GSG1L: variants seen among roughly 807,000 people sequenced by gnomAD.
GSG1L encodes germ cell-specific gene 1-like protein.
GSG1L carries 24 observed loss-of-function variants against 42.1 expected under a neutral mutation model. That is an observed-to-expected ratio of 0.57 (90% confidence interval 0.41 to 0.80). The LOEUF (loss-of-function observed/expected upper bound fraction) is 0.80. GSG1L is among the 30% of genes least tolerant of loss of function. The pLI, the probability that GSG1L is intolerant of heterozygous loss-of-function variation, is 0.00. For synonymous variants in GSG1L, 215 were observed against 203.5 expected, an observed-to-expected ratio of 1.06 and a Z score of -0.48; for missense variants, 445 against 472.2, an observed-to-expected ratio of 0.94 and a Z score of 0.53.
At chr16:27,948,685 T>C (rs2084915705) in intron 2 of GSG1L, among the ~76,000 whole-genome samples, 1 of 150,244 alleles carries the variant, frequency 6.7e-6, no homozygotes, top group Non-Finnish European at 1.5e-5. Flanking sequence ...TCTTGGCTCA[T>C]TGCAAGCTTC....
chr16:28,003,594 C>T (rs1290859041), intron 1 of GSG1L, among the ~76,000 whole-genome samples: 1 of 152,176 alleles, frequency 6.6e-6, no homozygotes, highest in Non-Finnish European at 1.5e-5. Flanking sequence ...TGCAGGAAAA[C>T]GTGGTTGCCA....
rs145064176 is a variant in GSG1L at position 27,995,125 on chromosome 16, C to T, written c.350-31922G>A. On this transcript the variant is annotated intron_variant, in intron 1 of 6. Transcript: ENST00000447459. ...GCAGCACTGGGTCTCAACCCAACCT[C>T]GAGAAGAATGGGAGAAACAGTCCCA... Among the ~76,000 whole-genome samples the T allele has an allele frequency of 9.9e-4, 150 of 152,272 alleles. 1 individual carries two copies. Among genetic ancestry groups the T allele is most frequent in the African/African-American group, 3.4e-3 (140 of 41,556 alleles).
At chr16:28,047,426 T>C (rs1361672159) in intron 1 of GSG1L, among the ~76,000 whole-genome samples, 1 of 151,996 alleles carries the variant, frequency 6.6e-6, no homozygotes, top group Non-Finnish European at 1.5e-5. Flanking sequence ...ATTGGGAACA[T>C]TCAACAAAAA....
chr16:27,977,381 GACC>G (rs921664759), intron 1 of GSG1L, among the ~76,000 whole-genome samples: 1 of 152,028 alleles, frequency 6.6e-6, no homozygotes, highest in Non-Finnish European at 1.5e-5. Flanking sequence ...AGGAGTTTGA[GACC>G]AACATGGTCA....
Position 27,791,315 on chromosome 16 carries a change from G to C in GSG1L, c.*55C>G. 8.6e-7 allele frequency: 1 copy of C among 1,169,510 alleles called. No individual in the cohort carries two copies. The allele number at this position is 1,169,510 out of a possible 1,614,324, so 72.4% of individuals were successfully genotyped here. ...GGGGCACCACTCTGGTGGTCTTGCA[G>C]CAGGGGCTGGTGCCAGCGATGGCCT... is the stretch of plus-strand genomic sequence containing the variant. On this transcript the variant is annotated 3_prime_UTR_variant, in exon 7 of 7. Coordinates refer to ENST00000447459, the MANE Select transcript of GSG1L (RefSeq NM_001109763.2).
intron 1 of GSG1L, among the ~76,000 whole-genome samples, chr16:28,056,487 G>A (rs1296398911): frequency 8.7e-5 from 8 of 92,416 alleles, no homozygotes; most frequent in Non-Finnish European, 5.9e-5. Flanking sequence ...GGGGAGGGGG[G>A]AGGGATAGCA....
chr16:27,799,651 G>C (rs1032611144), intron 6 of GSG1L, among the ~76,000 whole-genome samples: 1 of 152,150 alleles, frequency 6.6e-6, no homozygotes, highest in Non-Finnish European at 1.5e-5. Context: ...AGGGGAAGGC[G>C]AGAGAAGGCC....
chr16:28,019,073 T>C (rs552270759), intron 1 of GSG1L, among the ~76,000 whole-genome samples: 62 of 152,226 alleles, frequency 4.1e-4, no homozygotes, highest in African/African-American at 1.3e-3. Context: ...TCAGAGGCGT[T>C]TGAACCACAG....
intron 1 of GSG1L, among the ~76,000 whole-genome samples, chr16:28,037,272 C>T (rs747763588): frequency 3.3e-5 from 5 of 152,200 alleles, no homozygotes; most frequent in African/African-American, 7.2e-5. Flanking sequence ...GTGATCCACC[C>T]GCCTCGGCCC....
intron 1 of GSG1L, among the ~76,000 whole-genome samples, chr16:28,002,727 A>G (rs887643568): frequency 5.9e-5 from 9 of 151,928 alleles, no homozygotes; most frequent in Admixed American, 5.9e-4. Context: ...TCAGGAGATC[A>G]AGACCATCCT....
chr16:27,889,102 G>A (rs1018282459), intron 2 of GSG1L, among the ~76,000 whole-genome samples: 1 of 151,948 alleles, frequency 6.6e-6, no homozygotes, highest in Non-Finnish European at 1.5e-5. Context: ...TCCTGCCTCA[G>A]CCTCCGTAGT....
chr16:27,937,844 G>A (rs1368232553), intron 2 of GSG1L, among the ~76,000 whole-genome samples: 1 of 152,056 alleles, frequency 6.6e-6, no homozygotes, highest in Non-Finnish European at 1.5e-5. Flanking sequence ...CATGAGATGG[G>A]GACTCCCTCT....
intron 2 of GSG1L, among the ~76,000 whole-genome samples, chr16:27,943,519 G>T (rs1268628725): frequency 6.8e-6 from 1 of 148,132 alleles, no homozygotes; most frequent in East Asian, 2.0e-4. Flanking sequence ...TATATACTTG[G>T]TAAAACCACA....
chr16:27,953,568 G>C (rs2084973533), intron 2 of GSG1L, among the ~76,000 whole-genome samples: 1 of 152,048 alleles, frequency 6.6e-6, no homozygotes, highest in South Asian at 2.1e-4. Context: ...TAGAGAAGAC[G>C]CACCAATGCA....
At chr16:27,979,686 A>AGAAGGAAGGAAGGAAGGAAGGAAGGAAG (rs1271446807) in intron 1 of GSG1L, among the ~76,000 whole-genome samples, 2 of 40,070 alleles carry the variant, frequency 5.0e-5, no homozygotes, top group African/African-American at 2.3e-4. Flanking sequence ...AGAGAAAGAA[A>AGAAGGAAGGAAGGAAGGAAGGAAGGAAG]GAAGGAAGGA....
intron 1 of GSG1L, among the ~76,000 whole-genome samples, chr16:28,035,987 G>T (rs1054733731): frequency 6.6e-6 from 1 of 152,128 alleles, no homozygotes; most frequent in Admixed American, 6.5e-5. Context: ...CCTTTATTTA[G>T]AATTAGCCCA....
chr16:27,818,325 G>T (rs1032911391), intron 5 of GSG1L, among the ~76,000 whole-genome samples: 2 of 152,162 alleles, frequency 1.3e-5, no homozygotes, highest in African/African-American at 4.8e-5. Context: ...ACCATCCTTT[G>T]ATAATTTTTT....
At chr16:27,827,470 G>A (rs1014257502) in intron 5 of GSG1L, among the ~76,000 whole-genome samples, 2 of 152,146 alleles carry the variant, frequency 1.3e-5, no homozygotes, top group African/African-American at 4.8e-5. Context: ...AGAAGAGACT[G>A]GAGCAGCTAG....
intron 2 of GSG1L, among the ~76,000 whole-genome samples, chr16:27,946,475 A>G (rs76249311): frequency 6.6e-6 from 1 of 151,022 alleles, no homozygotes; most frequent in African/African-American, 2.4e-5. Flanking sequence ...AGCCCAGGAG[A>G]CAGAGGTTGC....
Sources: gnomAD v4.1 joint callset for allele counts (sites outside exome capture counted in the v4.1 genomes callset) on GRCh38, gnomAD v4.1.1 for gene constraint, MANE v1.5 for transcripts, NCBI Gene and HGNC (gene_info 2026-07-23, HGNC 2026-07-21) for gene names.